MPND: variants seen among roughly 807,000 people sequenced by gnomAD.
The protein encoded by MPND is MPN domain containing.
Under a neutral mutation model 59.2 loss-of-function variants are expected in MPND, and 56 were observed. The ratio of observed to expected loss-of-function variants is 0.95; its 90% CI spans 0.76 to 1.18. The LOEUF (loss-of-function observed/expected upper bound fraction) is 1.18. Among genes scored for constraint, MPND ranks in the 50% most tolerant of loss-of-function variants. MPND has a pLI of 0.00. For synonymous variants in MPND, 323 were observed against 291.9 expected (o/e 1.11, Z -1.09); for missense variants, 671 against 676.0 (o/e 0.99, Z 0.08).
In MPND at chr19:4,354,143, C is replaced by T. The variant is rs1972380946; in HGVS notation, c.749+14C>T. 6.2e-7 allele frequency: 1 copy of T among 1,604,126 alleles called. No homozygotes were observed. Among genetic ancestry groups the T allele is most frequent in the Non-Finnish European group, 8.5e-7 (1 of 1,171,918 alleles). ...CGACTTGGCCAGGTCAGACTCACCC[C>T]AAGTTCTGCCCCTGCCCCAGCTCAC... is the stretch of plus-strand genomic sequence containing the variant. On this transcript the variant is annotated intron_variant, in intron 5 of 12. Transcript: ENST00000599840.
At chr19:4,358,286 G>C (rs1399871411) in intron 11 of MPND, 114 bp downstream of exon 11, 1 of 932,376 alleles carries the variant, frequency 1.1e-6, no homozygotes. Context: ...TGGCGCCTTG[G>C]GGGCCTGGGT....
intron 6 of MPND, chr19:4,354,683 C>A: frequency 3.4e-6 from 2 of 591,226 alleles, no homozygotes; most frequent in South Asian, 2.0e-5. Context: ...CTGGGTAACA[C>A]TGAAACCCTG....
Position 4,359,261 on chromosome 19 carries a change from C to G in MPND, c.1419+6C>G. ...CCTACCTCGACAAGCTTAAGGTGAG[C>G]CCCAAGTCCCCGCAGACCTCCTAAC... is the stretch of plus-strand genomic sequence containing the variant. On this transcript the variant is annotated splice_donor_region_variant and intron_variant, in intron 12 of 12. Transcript: ENST00000599840. 1.2e-6 allele frequency: 2 copies of G among 1,610,788 alleles called. No individual in the cohort carries two copies. The highest frequency in any genetic ancestry group is 1.7e-6 in the Non-Finnish European group (2 of 1,177,968).
chr19:4,348,289 C>T (rs1240288879), intron 3 of MPND: 3 of 119,332 alleles, frequency 2.5e-5, no homozygotes, highest in Admixed American at 1.1e-4. Flanking sequence ...GAGACGGAGT[C>T]TCGCTCTGTC....
intron 10 of MPND, 32 bp downstream of exon 10, chr19:4,357,617 C>T (rs1274581396): frequency 1.3e-6 from 2 of 1,582,072 alleles, no homozygotes; most frequent in African/African-American, 1.3e-5. Flanking sequence ...GCCTGGGGGG[C>T]CCGGGAGCAC....
rs202116656 is a variant in MPND at position 4,357,408 on chromosome 19, C to T, written c.1152C>T (p.Leu384=). 2.1e-4 allele frequency: 333 copies of T among 1,612,434 alleles called. No homozygotes were observed. The highest frequency in any genetic ancestry group is 8.2e-4 in the Middle Eastern group (5 of 6,074). The part of the protein sequence containing the change: ...QGSSNGFQPC[L]ALLCSPYYSG... The stretch of plus-strand genomic sequence containing the variant: ...CCAGCAATGGCTTCCAGCCCTGCCT[C>T]GCCCTGCTCTGCTGTACGCGGGATG... The change falls in exon 9 of 13, where the codon CTC becomes CTT. Residue 384 remains leucine (L), a synonymous_variant. Coordinates refer to ENST00000599840, the MANE Select transcript of MPND (RefSeq NM_001300862.2).
rs759256034 is a variant in MPND, at chr19:4,343,994, G to C, written c.294G>C (p.Leu98=). ...CCGGGGTGCTGTCCATCTACTACCT[G>C]GTGAGCACCCCGCCTCCCTCGTCCC... ...PGAGVLSIYY[L]GKKFLGDLQP... is the part of the protein sequence containing the mutation. The change falls in exon 2 of 13, where the codon CTG becomes CTC. Residue 98 remains leucine (L), a splice_region_variant and synonymous_variant. Transcript: ENST00000599840. The C allele has an allele frequency of 7.8e-5, 104 of 1,330,776 alleles. No individual in the cohort carries two copies. The highest frequency in any genetic ancestry group is 1.9e-4 in the Admixed American group (5 of 26,566). 82.4% of individuals were successfully genotyped at this position (1,330,776 alleles called of 1,614,324 possible). A position where few individuals can be genotyped will look rare whatever the true frequency, so the allele number is the denominator to read the frequency against.
chr19:4,343,991 C>A lies in MPND; in HGVS notation c.291C>A (p.Tyr97Ter). 7.4e-7 allele frequency: 1 copy of A among 1,346,148 alleles called. No individual in the cohort carries two copies. The highest frequency in any genetic ancestry group is 1.9e-5 in the South Asian group (1 of 53,936). 83.4% of individuals were successfully genotyped at this position (1,346,148 alleles called of 1,614,324 possible). Reference protein sequence around the residue: ...EPGAGVLSIYYLGKKFLGDLQ... With the variant: ...EPGAGVLSIY ...GCGCCGGGGTGCTGTCCATCTACTA[C>A]CTGGTGAGCACCCCGCCTCCCTCGT... is the stretch of plus-strand genomic sequence containing the variant. Residue 97 changes from tyrosine (Y) to a stop codon, truncating the protein, a stop_gained, in exon 2 of 13, where the codon TAC becomes TAA. Transcript: ENST00000599840. LOFTEE classifies it high-confidence loss of function.
chr19:4,354,962 A>T lies in MPND; in HGVS notation c.860A>T (p.His287Leu). Residue 287 changes from histidine (H) to leucine (L), a missense_variant, in exon 7 of 13, where the codon CAC becomes CTC. Coordinates refer to ENST00000599840, the MANE Select transcript of MPND (RefSeq NM_001300862.2). ...NVLFLLDFHS[H>L]LTRSEVVGYL... ...TCCCTTCCCCAGGACTTCCACAGTCACCTGACACGGAGTGAGGTCGTGGGT... is the reference window on the plus strand; with the variant it reads ...TCCCTTCCCCAGGACTTCCACAGTCTCCTGACACGGAGTGAGGTCGTGGGT... 2 of 1,589,490 alleles carry T rather than the reference A, an allele frequency of 1.3e-6. No homozygotes were observed. The highest frequency in any genetic ancestry group is 2.2e-5 in the South Asian group (2 of 88,978).
chr19:4,352,896 G>A lies in MPND; in HGVS notation c.532-1G>A. On this transcript the variant is annotated splice_acceptor_variant, in intron 3 of 12. Coordinates refer to ENST00000599840, the MANE Select transcript of MPND (RefSeq NM_001300862.2). LOFTEE classifies it high-confidence loss of function. ...CTGTCCCTGACCCCTAACCCCTGCAGAGCCCAGCCAGTGAAGGGGAGGAGG... is the reference window on the plus strand; with the variant it reads ...CTGTCCCTGACCCCTAACCCCTGCAAAGCCCAGCCAGTGAAGGGGAGGAGG... The A allele has an allele frequency of 7.3e-7, 1 of 1,379,012 alleles. No homozygotes were observed. Among genetic ancestry groups the A allele is most frequent in the South Asian group, 2.0e-5 (1 of 49,220 alleles). 85.4% of individuals were successfully genotyped at this position (1,379,012 alleles called of 1,614,324 possible).
At chr19:4,353,846 T>TAA (rs1311305667) in intron 4 of MPND, 199 bp from the exon 5 acceptor site, 1 of 516,190 alleles carries the variant, frequency 1.9e-6, no homozygotes, top group Non-Finnish European at 3.5e-6. Context: ...TTCTTCTTTG[T>TAA]AAATAAGAGT....
At chr19:4,355,493 G>A (rs960601516) in intron 8 of MPND, among the ~76,000 whole-genome samples, 2 of 152,044 alleles carry the variant, frequency 1.3e-5, no homozygotes, top group African/African-American at 2.4e-5. Context: ...CTGCCACCAC[G>A]CCCAGCTAAT....
chr19:4,356,181 C>A (rs1223127875), intron 8 of MPND, among the ~76,000 whole-genome samples: 1 of 152,086 alleles, frequency 6.6e-6, no homozygotes, highest in Non-Finnish European at 1.5e-5. Context: ...TCTCCTAGCC[C>A]TGGTGCTGAA....
rs1332402624 is a variant in MPND at position 4,354,966 on chromosome 19, G to C, written c.864G>C (p.Leu288=). 6.3e-7 allele frequency: 1 copy of C among 1,595,168 alleles called. No individual in the cohort carries two copies. The highest frequency in any genetic ancestry group is 8.6e-7 in the Non-Finnish European group (1 of 1,169,498). ...VLFLLDFHSH[L]TRSEVVGYLG... ...TTCCCCAGGACTTCCACAGTCACCTGACACGGAGTGAGGTCGTGGGTTACC... is the reference window on the plus strand; with the variant it reads ...TTCCCCAGGACTTCCACAGTCACCTCACACGGAGTGAGGTCGTGGGTTACC... The change falls in exon 7 of 13, where the codon CTG becomes CTC. Residue 288 remains leucine (L), a synonymous_variant. Transcript: ENST00000599840.
chr19:4,350,777 G>A (rs948309240), intron 3 of MPND, among the ~76,000 whole-genome samples: 1 of 152,098 alleles, frequency 6.6e-6, no homozygotes, highest in African/African-American at 2.4e-5. Context: ...TCTGGAGCCG[G>A]GCGAGGCTTG....
At position 4,343,951 on chromosome 19, in the gene MPND, C is replaced by T; in HGVS notation, c.251C>T (p.Ala84Val). The T allele has an allele frequency of 2.2e-6, 3 of 1,384,042 alleles. No homozygotes were observed. The highest frequency in any genetic ancestry group is 2.8e-6 in the Non-Finnish European group (3 of 1,067,670). 85.7% of individuals were successfully genotyped at this position (1,384,042 alleles called of 1,614,324 possible). Residue 84 changes from alanine (A) to valine (V), a missense_variant, in exon 2 of 13, where the codon GCG becomes GTG. Physicochemically the swap from Ala to Val is moderately conservative, Grantham distance 64. Transcript: ENST00000599840. ...ACACTGCGGGTGCTCCTCAAAGACGCGCTGCTGGAGCCTGGCGCCGGGGTG... is the reference window on the plus strand; with the variant it reads ...ACACTGCGGGTGCTCCTCAAAGACGTGCTGCTGGAGCCTGGCGCCGGGGTG... Reference protein sequence around the residue: ...AVTLRVLLKDALLEPGAGVLS... With the variant: ...AVTLRVLLKDVLLEPGAGVLS...
Position 4,354,236 on chromosome 19 carries a change from CAG to C in MPND, c.750-85_750-84del, listed in dbSNP as rs777947830. 3.0e-4 allele frequency: 439 copies of C among 1,487,400 alleles called. 1 individual carries two copies. The highest frequency in any genetic ancestry group is 3.3e-4 in the Non-Finnish European group (361 of 1,088,794). The allele number at this position is 1,487,400 out of a possible 1,614,324, so 92.1% of individuals were successfully genotyped here. A position where few individuals can be genotyped will look rare whatever the true frequency, so the allele number is the denominator to read the frequency against. ...GGGGTGGGACAGAGCCTCAGATCCT[CAG>C]AGCTGTGGGGTTGGGGGAGTCAGTG... On this transcript the variant is annotated intron_variant, in intron 5 of 12. Transcript: ENST00000599840.
intron 9 of MPND, 38 bp from the exon 10 acceptor site, chr19:4,357,477 G>A: frequency 6.2e-7 from 1 of 1,610,282 alleles, no homozygotes; most frequent in Non-Finnish European, 8.5e-7. Flanking sequence ...GGCCAGCCGA[G>A]CCTCCCAGGG....
In MPND at chr19:4,357,660, C is replaced by T. The variant is rs899165395; in HGVS notation, c.1236+75C>T. ...TTTGGGTCACGACTAGGCAGGGGCC[C>T]CTGGTTCCAGGCTCCACTGGAGAGT... On this transcript the variant is annotated intron_variant, in intron 10 of 12. Coordinates refer to ENST00000599840, the MANE Select transcript of MPND (RefSeq NM_001300862.2). The T allele has an allele frequency of 2.8e-6, 4 of 1,438,826 alleles. No homozygotes were observed. The Admixed American group carries it at 6.6e-5, about 24-fold the overall frequency. The allele number at this position is 1,438,826 out of a possible 1,614,324, so 89.1% of individuals were successfully genotyped here. A position where few individuals can be genotyped will look rare whatever the true frequency, so the allele number is the denominator to read the frequency against.
Sources: allele counts gnomAD v4.1 joint callset (sites outside exome capture counted in the v4.1 genomes callset), GRCh38; gene constraint gnomAD v4.1.1; transcripts MANE v1.5; gene names NCBI Gene and HGNC (gene_info 2026-07-23, HGNC 2026-07-21).